VAC14: variants seen among roughly 807,000 people sequenced by gnomAD.
VAC14 encodes VAC14 component of PIKFYVE complex, also known as protein VAC14 homolog.
Under a neutral mutation model 85.3 loss-of-function variants are expected in VAC14, and 47 were observed. The ratio of observed to expected loss-of-function variants is 0.55; its 90% CI spans 0.44 to 0.70. VAC14 has a LOEUF of 0.70. Among genes scored for constraint, VAC14 ranks in the 30% least tolerant of loss-of-function variants. VAC14 has a pLI of 0.00. For synonymous variants in VAC14, 447 were observed against 430.5 expected, an observed-to-expected ratio of 1.04 and a Z score of -0.47; for missense variants, 861 against 1,004.3, an observed-to-expected ratio of 0.86 and a Z score of 1.93.
chr16:70,757,177 A>T (rs1567573254), intron 12 of VAC14, among the ~76,000 whole-genome samples: 1 of 152,288 alleles, frequency 6.6e-6, no homozygotes, highest in East Asian at 1.9e-4. Flanking sequence ...CTTTCTCTGT[A>T]GGCCCAACTG....
chr16:70,785,687 G>C lies in VAC14; in HGVS notation c.423+15C>G. ...CCAAGCGCAGCTCAGTGAGGAGGAGGAGGAGGGCGGTTACCTTGCTCAGCC... is the reference window on the plus strand; with the variant it reads ...CCAAGCGCAGCTCAGTGAGGAGGAGCAGGAGGGCGGTTACCTTGCTCAGCC... On this transcript the variant is annotated intron_variant, in intron 3 of 18. Transcript: ENST00000261776. The C allele has an allele frequency of 6.5e-7, 1 of 1,547,214 alleles. No individual in the cohort carries two copies. The highest frequency in any genetic ancestry group is 1.2e-5 in the South Asian group (1 of 83,470).
chr16:70,795,494 TAA>T (rs71153603), intron 1 of VAC14, among the ~76,000 whole-genome samples: 31 of 91,936 alleles, frequency 3.4e-4, no homozygotes, highest in African/African-American at 6.8e-4. Flanking sequence ...AGACTCTGTC[TAA>T]AAAAAAAAAA....
intron 13 of VAC14, among the ~76,000 whole-genome samples, chr16:70,733,466 C>A (rs1381264391): frequency 6.6e-6 from 1 of 151,748 alleles, no homozygotes; most frequent in Non-Finnish European, 1.5e-5. Context: ...TTGTCCCCAC[C>A]CAAATCTCAT....
At chr16:70,784,318 G>A in intron 4 of VAC14, 98 bp from the exon 5 acceptor site, 1 of 943,534 alleles carries the variant, frequency 1.1e-6, no homozygotes, top group Non-Finnish European at 1.7e-6. Context: ...CGCTCAGGCG[G>A]CCACCAAGGA....
intron 8 of VAC14, among the ~76,000 whole-genome samples, chr16:70,781,226 C>T (rs981519415): frequency 1.3e-5 from 2 of 152,182 alleles, no homozygotes; most frequent in African/African-American, 4.8e-5. Context: ...TTTGCCTCTG[C>T]CATGACTAAA....
chr16:70,712,839 G>A (rs2054064039), intron 14 of VAC14, among the ~76,000 whole-genome samples: 1 of 152,196 alleles, frequency 6.6e-6, no homozygotes, highest in Non-Finnish European at 1.5e-5. Context: ...AATCCTCTGT[G>A]TGCTTCTCTT....
At chr16:70,784,929 C>A (rs2033978869) in intron 3 of VAC14, 91 bp from the exon 4 acceptor site, 2 of 1,127,350 alleles carry the variant, frequency 1.8e-6, no homozygotes, top group South Asian at 1.2e-5. Flanking sequence ...GCAGCCGAGG[C>A]CTTGGTGCAG....
At chr16:70,768,958 G>A (rs1292593353) in intron 10 of VAC14, 3 of 277,778 alleles carry the variant, frequency 1.1e-5, no homozygotes, top group South Asian at 2.9e-5. Context: ...GTGCCACCAC[G>A]CCTGGCTATT....
At chr16:70,702,672 T>C (rs1212506306) in intron 14 of VAC14, among the ~76,000 whole-genome samples, 12 of 152,152 alleles carry the variant, frequency 7.9e-5, no homozygotes, top group Admixed American at 7.2e-4. Context: ...ACAGTAATAA[T>C]AGCGGAAGTG....
rs557621882 is a variant in VAC14, at chr16:70,712,576, T to C, written c.1662-13765A>G. 2.0e-5 allele frequency among the ~76,000 whole-genome samples: 3 copies of C among 152,266 alleles called. No individual in the cohort carries two copies. The South Asian group carries it at 6.2e-4, about 32-fold the overall frequency. ...ACAAAGACAGTGAAGGCGGTGGACCTGGGCAAGCTGCAGAGCTCTCCGAGT... is the reference window on the plus strand; with the variant it reads ...ACAAAGACAGTGAAGGCGGTGGACCCGGGCAAGCTGCAGAGCTCTCCGAGT... On this transcript the variant is annotated intron_variant, in intron 14 of 18. Coordinates refer to ENST00000261776, the MANE Select transcript of VAC14 (RefSeq NM_018052.5).
intron 12 of VAC14, among the ~76,000 whole-genome samples, chr16:70,751,324 G>A (rs1226852874): frequency 2.0e-5 from 3 of 152,230 alleles, no homozygotes; most frequent in East Asian, 1.9e-4. Context: ...TGGTACTGGC[G>A]GGGAGAGGTG....
intron 14 of VAC14, among the ~76,000 whole-genome samples, chr16:70,702,108 C>T (rs1053442629): frequency 3.9e-5 from 6 of 152,246 alleles, no homozygotes; most frequent in African/African-American, 1.4e-4. Flanking sequence ...CACTGACCCT[C>T]CACCCCCTCC....
chr16:70,771,924 TG>T, intron 10 of VAC14, 184 bp downstream of exon 10: 1 of 587,992 alleles, frequency 1.7e-6, no homozygotes, highest in Non-Finnish European at 3.0e-6. Context: ...CAAGCCTGGG[TG>T]GGGTGGGCTT....
intron 12 of VAC14, among the ~76,000 whole-genome samples, chr16:70,748,268 G>T (rs2143015594): frequency 6.6e-6 from 1 of 152,356 alleles, no homozygotes; most frequent in South Asian, 2.1e-4. Context: ...GCTGCTGTGG[G>T]CTAGTCCTGT....
At chr16:70,698,497 A>C (rs746979136) in intron 15 of VAC14, 140 bp downstream of exon 15, 15 of 1,028,834 alleles carry the variant, frequency 1.5e-5, no homozygotes, top group African/African-American at 4.9e-5. Flanking sequence ...CCTATTTCCC[A>C]GTGGACCAGG....
rs1372409527 is a variant in VAC14, at chr16:70,692,934, G to C, written c.2073C>G (p.Pro691=). Residue 691 remains proline (P), a synonymous_variant, in exon 18 of 19, where the codon CCC becomes CCG. Transcript: ENST00000261776. ...GGCCGTAGAGGGCCTTGATCAGGTA[G>C]GGGTTGTTCTTCACGTCCAGCAGCT... is the stretch of plus-strand genomic sequence containing the variant. ...RLQLLDVKNN[P]YLIKALYGLL... is the part of the protein sequence containing the mutation. 1.2e-6 allele frequency: 2 copies of C among 1,611,460 alleles called. No homozygotes were observed. The highest frequency in any genetic ancestry group is 1.3e-5 in the African/African-American group (1 of 75,054).
intron 12 of VAC14, among the ~76,000 whole-genome samples, chr16:70,749,879 G>A (rs184008818): frequency 2.6e-5 from 4 of 152,364 alleles, no homozygotes. Flanking sequence ...TCTGCCTGGG[G>A]TGGAAGAGAG....
At chr16:70,783,901 C>A (rs1315872379) in intron 5 of VAC14, among the ~76,000 whole-genome samples, 1 of 152,166 alleles carries the variant, frequency 6.6e-6, no homozygotes, top group East Asian at 1.9e-4. Flanking sequence ...ACTGGACTCC[C>A]TTCCAGGGCA....
chr16:70,720,687 G>T (rs1205004639), intron 14 of VAC14, among the ~76,000 whole-genome samples: 2 of 152,216 alleles, frequency 1.3e-5, no homozygotes, highest in Admixed American at 6.5e-5. Flanking sequence ...TGATGACGAG[G>T]TGGATGGTGA....
Sources: gnomAD v4.1 joint callset for allele counts (sites outside exome capture counted in the v4.1 genomes callset) on GRCh38, gnomAD v4.1.1 for gene constraint, MANE v1.5 for transcripts, NCBI Gene and HGNC (gene_info 2026-07-23, HGNC 2026-07-21) for gene names.